MBNL1: variants seen among roughly 807,000 people sequenced by gnomAD.
MBNL1 encodes muscleblind-like protein 1.
Under a neutral mutation model 42.2 loss-of-function variants are expected in MBNL1, and 8 were observed. The ratio of observed to expected loss-of-function variants is 0.19; its 90% CI spans 0.11 to 0.34. The LOEUF is 0.34. MBNL1 is among the 10% of genes least tolerant of loss of function. The pLI is 1.00. For synonymous variants in MBNL1, 169 were observed against 173.9 expected (o/e 0.97, Z 0.22); for missense variants, 309 against 495.3 (o/e 0.62, Z 3.57).
At chr3:152,285,566 A>G (rs1259316975) in intron 1 of MBNL1, among the ~76,000 whole-genome samples, 4 of 151,794 alleles carry the variant, frequency 2.6e-5, no homozygotes, top group Non-Finnish European at 5.9e-5. Context: ...AATAGAATGT[A>G]TAAGTTGTTG....
intron 2 of MBNL1, among the ~76,000 whole-genome samples, chr3:152,375,668 AAGTT>A (rs2096867033): frequency 6.6e-6 from 1 of 152,064 alleles, no homozygotes; most frequent in South Asian, 2.1e-4. Context: ...CAAAACAAAA[AAGTT>A]AGCCAGGTCT....
intron 4 of MBNL1, among the ~76,000 whole-genome samples, chr3:152,441,683 CA>C (rs1186099867): frequency 6.6e-6 from 1 of 152,138 alleles, no homozygotes; most frequent in East Asian, 1.9e-4. Context: ...TCTTCATTGT[CA>C]AATCTTGCCT....
At chr3:152,419,398 T>A (rs1426631473) in intron 3 of MBNL1, among the ~76,000 whole-genome samples, 4 of 151,978 alleles carry the variant, frequency 2.6e-5, no homozygotes, top group Non-Finnish European at 4.4e-5. Flanking sequence ...CTGGGACTGG[T>A]TAGACAGTTG....
chr3:152,273,016 T>C lies in MBNL1; in HGVS notation c.-790+3924T>C, dbSNP rs184760688. On this transcript the variant is annotated intron_variant, in intron 1 of 9. Coordinates refer to ENST00000324210, the MANE Select transcript of MBNL1 (RefSeq NM_021038.5). Reference sequence around the variant, plus strand: ...GTGGGGAGGTTAGCTAGTTTGTATATAGAGCCTCAAGAAGAGTTGCCTCAG... The same window carrying C: ...GTGGGGAGGTTAGCTAGTTTGTATACAGAGCCTCAAGAAGAGTTGCCTCAG... 2.3e-3 allele frequency among the ~76,000 whole-genome samples: 354 copies of C among 152,294 alleles called. 1 individual carries two copies. The highest frequency in any genetic ancestry group is 8.1e-3 in the African/African-American group (338 of 41,562).
chr3:152,311,931 C>A (rs1164278899), intron 2 of MBNL1, among the ~76,000 whole-genome samples: 3 of 151,568 alleles, frequency 2.0e-5, no homozygotes, highest in Admixed American at 2.0e-4. Flanking sequence ...TGGCTCACGC[C>A]TGTAATCCCA....
chr3:152,325,427 G>A (rs192234173), intron 2 of MBNL1, among the ~76,000 whole-genome samples: 10 of 152,010 alleles, frequency 6.6e-5, no homozygotes, highest in African/African-American at 2.2e-4. Flanking sequence ...TACATTGAAT[G>A]TTTGCTGGTT....
chr3:152,433,848 T>C (rs1010126681), intron 4 of MBNL1, among the ~76,000 whole-genome samples: 2 of 152,100 alleles, frequency 1.3e-5, no homozygotes, highest in East Asian at 3.9e-4. Context: ...GAAAAAGATA[T>C]TAAAGTTTTA....
At chr3:152,385,265 T>A (rs2097361817) in intron 2 of MBNL1, among the ~76,000 whole-genome samples, 1 of 152,108 alleles carries the variant, frequency 6.6e-6, no homozygotes, top group Non-Finnish European at 1.5e-5. Context: ...GAGCCATTGT[T>A]TCCTTAAGTA....
At chr3:152,401,616 C>T (rs1421247268) in intron 2 of MBNL1, among the ~76,000 whole-genome samples, 10 of 152,044 alleles carry the variant, frequency 6.6e-5, no homozygotes, top group East Asian at 1.9e-4. Flanking sequence ...ATGTAGCTAG[C>T]GGGTGAGAGA....
chr3:152,449,331 ACTC>A (rs1716975415), intron 6 of MBNL1: 1 of 152,074 alleles, frequency 6.6e-6, no homozygotes, highest in Non-Finnish European at 1.5e-5. Context: ...TACAGATTGA[ACTC>A]CTCGTTCTAC....
chr3:152,390,259 AT>A (rs567892426), intron 2 of MBNL1, among the ~76,000 whole-genome samples: 119 of 145,720 alleles, frequency 8.2e-4, no homozygotes, highest in African/African-American at 1.6e-3. Flanking sequence ...GCTTTTCTCT[AT>A]TTTTTTTTTT....
intron 2 of MBNL1, among the ~76,000 whole-genome samples, chr3:152,319,882 T>TA (rs1208683631): frequency 3.3e-5 from 5 of 152,096 alleles, no homozygotes; most frequent in African/African-American, 7.2e-5. Flanking sequence ...TTTGTGCTCT[T>TA]ACTCCTGGGT....
chr3:152,380,731 T>C (rs1376223473), intron 2 of MBNL1, among the ~76,000 whole-genome samples: 1 of 152,074 alleles, frequency 6.6e-6, no homozygotes, highest in Non-Finnish European at 1.5e-5. Flanking sequence ...ATTGAGTTTT[T>C]TTTTTAAAAA....
chr3:152,328,270 A>G lies in MBNL1; in HGVS notation c.174+27903A>G, dbSNP rs79239103. Among the ~76,000 whole-genome samples the G allele has an allele frequency of 4.9e-3, 747 of 152,294 alleles. 15 individuals are homozygous for G. In the East Asian group the frequency reaches 0.063, roughly 13 times the overall value. On this transcript the variant is annotated intron_variant, in intron 2 of 9. Transcript: ENST00000324210. ...ACTAGTAACACATTATTTTCTCCAA[A>G]GGATCCTGTGACTGACACAAAAAAT...
chr3:152,420,446 C>A (rs1221598990), intron 3 of MBNL1, among the ~76,000 whole-genome samples: 1 of 152,190 alleles, frequency 6.6e-6, no homozygotes, highest in African/African-American at 2.4e-5. Flanking sequence ...TGCTGTTCTG[C>A]AGCCTCTGCT....
chr3:152,341,534 A>G (rs1044628905), intron 2 of MBNL1, among the ~76,000 whole-genome samples: 3 of 152,218 alleles, frequency 2.0e-5, no homozygotes, highest in African/African-American at 7.2e-5. Context: ...AATTTCTGCC[A>G]TCACTCTGTT....
chr3:152,452,168 C>G (rs1428890093), intron 6 of MBNL1, among the ~76,000 whole-genome samples: 1 of 152,074 alleles, frequency 6.6e-6, no homozygotes, highest in African/African-American at 2.4e-5. Context: ...TTTAACCTTC[C>G]CCTTTCAGGA....
At chr3:152,338,415 C>T (rs1039286999) in intron 2 of MBNL1, 1 of 985,280 alleles carries the variant, frequency 1.0e-6, no homozygotes, top group Non-Finnish European at 1.2e-6. Context: ...CCCCCTGCTG[C>T]TACAGTTGAG....
chr3:152,449,224 T>C (rs1716750661), intron 6 of MBNL1: 1 of 152,206 alleles, frequency 6.6e-6, no homozygotes, highest in East Asian at 1.9e-4. Flanking sequence ...CTTATTTTTG[T>C]CAGTTTATTT....
Sources: gnomAD v4.1 joint callset for allele counts (sites outside exome capture counted in the v4.1 genomes callset) on GRCh38, gnomAD v4.1.1 for gene constraint, MANE v1.5 for transcripts, NCBI Gene and HGNC (gene_info 2026-07-23, HGNC 2026-07-21) for gene names.